Variants in TDRP observed in about 807,000 individuals in gnomAD.
TDRP encodes the protein testis development-related protein.
Under a neutral mutation model 10.5 loss-of-function variants are expected in TDRP, and 12 were observed. The observed-to-expected ratio is 1.15, with a 90% CI of 0.73 to 1.86. TDRP has a LOEUF of 1.86. Ranked by LOEUF, TDRP falls within the 40% of genes most tolerant of loss-of-function variation. The pLI is 0.00. For synonymous variants in TDRP, 139 were observed against 95.4 expected, an observed-to-expected ratio of 1.46 and a Z score of -2.67; for missense variants, 353 against 229.2, an observed-to-expected ratio of 1.54 and a Z score of -3.49.
Position 497,774 on chromosome 8 carries a change from G to A in TDRP, c.109-3177C>T, listed in dbSNP as rs983936175. Among the ~76,000 whole-genome samples the A allele has an allele frequency of 8.5e-5, 13 of 152,284 alleles. No individual in the cohort carries two copies. The East Asian group carries it at 2.5e-3, about 30-fold the overall frequency. On this transcript the variant is annotated intron_variant, in intron 1 of 2. Coordinates refer to ENST00000324079, the MANE Select transcript of TDRP (RefSeq NM_001384899.1). ...GTCCAGAGGCCTAGGAGGGAAAAAT[G>A]GTTTTCTGGGCCAGGCCCAGGGTCC...
intron 1 of TDRP, chr8:494,853 A>G (rs1441890389): frequency 3.1e-6 from 1 of 317,488 alleles, no homozygotes; most frequent in Non-Finnish European, 5.8e-6. Flanking sequence ...AGACAAGTCA[A>G]TATTTTGCCT....
At chr8:516,312 A>C (rs1313419674) in intron 1 of TDRP, among the ~76,000 whole-genome samples, 1 of 152,218 alleles carries the variant, frequency 6.6e-6, no homozygotes, top group Non-Finnish European at 1.5e-5. Flanking sequence ...TAAAACATTC[A>C]AGAGAATGAG....
chr8:506,925 T>C (rs1972973), intron 1 of TDRP, among the ~76,000 whole-genome samples: 100,972 of 151,988 alleles, frequency 0.66, 33,871 homozygotes, highest in Admixed American at 0.7. Flanking sequence ...AGGTATTAGT[T>C]CATTCTCACA....
In TDRP at chr8:492,212, C is replaced by T. The variant is rs1004462576; in HGVS notation, c.*187G>A. Reference sequence around the variant, plus strand: ...AATAAGGCAATCAAATGTACAATCCCTGCACGTGTTCACCAAGGAGTCACA... The same window carrying T: ...AATAAGGCAATCAAATGTACAATCCTTGCACGTGTTCACCAAGGAGTCACA... On this transcript the variant is annotated 3_prime_UTR_variant, in exon 3 of 3. Coordinates refer to ENST00000324079, the MANE Select transcript of TDRP (RefSeq NM_001384899.1). 1.1e-5 allele frequency: 14 copies of T among 1,283,010 alleles called. No homozygotes were observed. The highest frequency in any genetic ancestry group is 1.5e-5 in the African/African-American group (1 of 65,620). 79.5% of individuals were successfully genotyped at this position (1,283,010 alleles called of 1,614,324 possible). A position where few individuals can be genotyped will look rare whatever the true frequency, so the allele number is the denominator to read the frequency against.
At chr8:512,031 A>T (rs1442381169) in intron 1 of TDRP, among the ~76,000 whole-genome samples, 1 of 152,178 alleles carries the variant, frequency 6.6e-6, no homozygotes, top group Non-Finnish European at 1.5e-5. Context: ...AACCTAAAGG[A>T]AGCAAAAGGT....
At chr8:498,885 TTC>T (rs34931074) in intron 1 of TDRP, among the ~76,000 whole-genome samples, 67,059 of 150,700 alleles carry the variant, frequency 0.44, 17,549 homozygotes, top group African/African-American at 0.74. Context: ...CACCTCCCTG[TTC>T]TCTCTCTCTC....
In TDRP at chr8:515,522, T is replaced by A. The variant is rs79038270; in HGVS notation, c.109-20925A>T. 7.5e-3 allele frequency among the ~76,000 whole-genome samples: 1,145 copies of A among 152,300 alleles called. 10 individuals carry two copies. Among genetic ancestry groups the A allele is most frequent in the African/African-American group, 0.026 (1,073 of 41,564 alleles). On this transcript the variant is annotated intron_variant, in intron 1 of 2. Coordinates refer to ENST00000324079, the MANE Select transcript of TDRP (RefSeq NM_001384899.1). ...CAAAATGCTCCAATGGGCATTTTTG[T>A]CGATCATCATGTCAGCATTCAAAAA...
intron 1 of TDRP, among the ~76,000 whole-genome samples, chr8:537,730 A>G (rs1056166775): frequency 3.3e-5 from 5 of 152,200 alleles, no homozygotes; most frequent in Non-Finnish European, 7.3e-5. Flanking sequence ...CCTGAAACAA[A>G]AGAGGACATT....
At chr8:519,344 T>C (rs775435437) in intron 1 of TDRP, among the ~76,000 whole-genome samples, 7 of 152,126 alleles carry the variant, frequency 4.6e-5, no homozygotes, top group African/African-American at 7.2e-5. Flanking sequence ...AAATGAGCTT[T>C]CTGGAGTTCT....
intron 1 of TDRP, among the ~76,000 whole-genome samples, chr8:535,676 G>A (rs968527901): frequency 3.9e-5 from 6 of 152,042 alleles, no homozygotes; most frequent in Admixed American, 6.5e-5. Context: ...AAAAGCAGAA[G>A]ACAGACTGCA....
intron 1 of TDRP, among the ~76,000 whole-genome samples, chr8:522,320 G>A (rs1001808615): frequency 6.6e-6 from 1 of 152,154 alleles, no homozygotes; most frequent in African/African-American, 2.4e-5. Flanking sequence ...GACTGTGTAA[G>A]CAAAAACTCA....
chr8:509,267 C>T (rs1801547365), intron 1 of TDRP, among the ~76,000 whole-genome samples: 3 of 152,218 alleles, frequency 2.0e-5, no homozygotes, highest in Admixed American at 6.5e-5. Context: ...CTAGACAGTG[C>T]CCCAGAGGGG....
In TDRP at chr8:534,411, A is replaced by G. The variant is rs962366044; in HGVS notation, c.108+10239T>C. Among the ~76,000 whole-genome samples, 11 of 152,308 alleles carry G rather than the reference A, an allele frequency of 7.2e-5. No individual in the cohort carries two copies. In the South Asian group the frequency reaches 8.3e-4, roughly 11 times the overall value. On this transcript the variant is annotated intron_variant, in intron 1 of 2. Coordinates refer to ENST00000324079, the MANE Select transcript of TDRP (RefSeq NM_001384899.1). ...GACCTTGTTTTACATGTATTTGTTT[A>G]AAGATGCCTGCTTTAATACCTGCTG...
At chr8:509,234 G>C (rs1042809184) in intron 1 of TDRP, among the ~76,000 whole-genome samples, 2 of 152,168 alleles carry the variant, frequency 1.3e-5, no homozygotes, top group African/African-American at 2.4e-5. Context: ...TCTGAGGATG[G>C]TGGCCCTTTT....
At position 490,300 on chromosome 8, in the gene TDRP, T is replaced by C. The variant is rs551186821; in HGVS notation, c.*2099A>G. Reference sequence around the variant, plus strand: ...ATTAGTCTTTGTAGATAAGAAAAATTTGATTTACAGTGCATATTCCAATCC... The same window carrying C: ...ATTAGTCTTTGTAGATAAGAAAAATCTGATTTACAGTGCATATTCCAATCC... On this transcript the variant is annotated 3_prime_UTR_variant, in exon 3 of 3. Coordinates refer to ENST00000324079, the MANE Select transcript of TDRP (RefSeq NM_001384899.1). 8 of 152,350 alleles carry C rather than the reference T, an allele frequency of 5.3e-5. No individual in the cohort carries two copies. In the South Asian group the frequency reaches 8.3e-4, roughly 16 times the overall value. The allele number at this position is 152,350 out of a possible 1,614,324, so 9.4% of individuals were successfully genotyped here.
chr8:495,248 A>G (rs765463908), intron 1 of TDRP, among the ~76,000 whole-genome samples: 3 of 152,176 alleles, frequency 2.0e-5, no homozygotes, highest in Non-Finnish European at 2.9e-5. Flanking sequence ...AACAAACAAC[A>G]GCAACAACAA....
At chr8:510,961 G>T (rs746599978) in intron 1 of TDRP, among the ~76,000 whole-genome samples, 4 of 152,112 alleles carry the variant, frequency 2.6e-5, no homozygotes, top group African/African-American at 4.8e-5. Context: ...AAAGATGAGG[G>T]TAGAAGCAAA....
intron 1 of TDRP, among the ~76,000 whole-genome samples, chr8:542,593 G>A (rs933625674): frequency 3.9e-5 from 6 of 152,208 alleles, no homozygotes; most frequent in South Asian, 2.1e-4. Context: ...GGCCAGGCGC[G>A]GTGGCTCACG....
intron 2 of TDRP, among the ~76,000 whole-genome samples, chr8:493,647 A>C (rs147865439): frequency 3.5e-4 from 53 of 152,332 alleles, no homozygotes; most frequent in African/African-American, 1.2e-3. Flanking sequence ...TCAACTTTAC[A>C]CTTTTTAAAA....
Sources: gnomAD v4.1 joint callset for allele counts (sites outside exome capture counted in the v4.1 genomes callset) on GRCh38, gnomAD v4.1.1 for gene constraint, MANE v1.5 for transcripts, NCBI Gene and HGNC (gene_info 2026-07-23, HGNC 2026-07-21) for gene names.